PRCP: variants seen among roughly 807,000 people sequenced by gnomAD.
PRCP encodes lysosomal Pro-X carboxypeptidase.
Under a neutral mutation model 54.2 loss-of-function variants are expected in PRCP, and 46 were observed. The observed-to-expected ratio is 0.85, with a 90% CI of 0.67 to 1.09. PRCP has a LOEUF of 1.09. Among genes scored for constraint, PRCP ranks in the 50% least tolerant of loss-of-function variants. The probability of loss-of-function intolerance (pLI) is 0.00; values close to 1 mark genes in which losing one functional copy is unlikely to be tolerated. For synonymous variants in PRCP, 240 were observed against 212.2 expected, an observed-to-expected ratio of 1.13 and a Z score of -1.14; for missense variants, 613 against 596.8, an observed-to-expected ratio of 1.03 and a Z score of -0.28.
In PRCP at chr11:82,828,039, C is replaced by A. The variant is rs12225284; in HGVS notation, c.1275-2917G>T. ...TAAATCAAATTTTTCCCTAGTATAA[C>A]ATATTATGCATAGATTGCATTCGTG... On this transcript the variant is annotated intron_variant, in intron 8 of 8. Coordinates refer to ENST00000313010, the MANE Select transcript of PRCP (RefSeq NM_005040.4). 3.5e-4 allele frequency: 53 copies of A among 152,222 alleles called. No homozygotes were observed. In the East Asian group the frequency reaches 9.1e-3, roughly 26 times the overall value. 9.4% of individuals were successfully genotyped at this position (152,222 alleles called of 1,614,324 possible). A position where few individuals can be genotyped will look rare whatever the true frequency, so the allele number is the denominator to read the frequency against.
At chr11:82,850,599 G>T in intron 3 of PRCP, 94 bp from the exon 4 acceptor site, 2 of 1,024,354 alleles carry the variant, frequency 2.0e-6, no homozygotes, top group Non-Finnish European at 2.6e-6. Context: ...TGTCAGATAA[G>T]CTTTTCTCTA....
At chr11:82,863,815 A>G (rs766603540) in intron 1 of PRCP, among the ~76,000 whole-genome samples, 8 of 152,184 alleles carry the variant, frequency 5.3e-5, no homozygotes, top group Non-Finnish European at 1.0e-4. Flanking sequence ...GCCATGCCCA[A>G]GGTACTCCTG....
chr11:82,897,468 T>C (rs1860144766), intron 1 of PRCP, among the ~76,000 whole-genome samples: 1 of 152,146 alleles, frequency 6.6e-6, no homozygotes, highest in Non-Finnish European at 1.5e-5. Context: ...ACATACAATA[T>C]AGTAAATGTG....
intron 1 of PRCP, chr11:82,884,888 G>A (rs368652767): frequency 7.4e-6 from 12 of 1,613,028 alleles, no homozygotes; most frequent in African/African-American, 6.7e-5. Context: ...GCAAGGGCCT[G>A]CAGGAAGTAA....
intron 6 of PRCP, 102 bp downstream of exon 6, chr11:82,848,947 C>A (rs950264932): frequency 3.4e-6 from 4 of 1,189,764 alleles, no homozygotes; most frequent in Non-Finnish European, 4.7e-6. Context: ...AACTCTGGAG[C>A]CCCTTTGTCA....
chr11:82,836,857 T>C, intron 8 of PRCP: 1 of 385,944 alleles, frequency 2.6e-6, no homozygotes, highest in Non-Finnish European at 5.2e-6. Context: ...CTCCTTGCAT[T>C]TTTGTTGGCT....
chr11:82,899,378 C>T (rs1319523747), intron 1 of PRCP, among the ~76,000 whole-genome samples: 1 of 152,224 alleles, frequency 6.6e-6, no homozygotes, highest in South Asian at 2.1e-4. Flanking sequence ...ACAGAGCTAG[C>T]AGGGTGGAAT....
chr11:82,887,753 T>A (rs1189523054), intron 1 of PRCP, among the ~76,000 whole-genome samples: 1 of 152,172 alleles, frequency 6.6e-6, no homozygotes, highest in East Asian at 1.9e-4. Context: ...CCTTCCTTTC[T>A]GTATAGGAGC....
intron 6 of PRCP, among the ~76,000 whole-genome samples, chr11:82,847,392 A>T (rs1858833005): frequency 6.6e-6 from 1 of 152,166 alleles, no homozygotes; most frequent in African/African-American, 2.4e-5. Flanking sequence ...ACCACCTCTT[A>T]GTTGAGCTTT....
intron 2 of PRCP, among the ~76,000 whole-genome samples, chr11:82,858,043 A>G (rs1230339101): frequency 1.3e-5 from 2 of 152,228 alleles, no homozygotes; most frequent in Non-Finnish European, 2.9e-5. Context: ...ACCTCTGTGC[A>G]GTTGATTTCA....
At chr11:82,881,103 G>A (rs751110870) in intron 1 of PRCP, among the ~76,000 whole-genome samples, 3 of 152,088 alleles carry the variant, frequency 2.0e-5, no homozygotes, top group African/African-American at 4.8e-5. Flanking sequence ...AGGCCTTTGT[G>A]GTCTAGATCA....
chr11:82,856,975 G>A (rs1028701712), intron 2 of PRCP, among the ~76,000 whole-genome samples: 1 of 147,254 alleles, frequency 6.8e-6, no homozygotes, highest in Non-Finnish European at 1.5e-5. Flanking sequence ...GGCGAAGCTT[G>A]CAGTAGCCGA....
intron 3 of PRCP, among the ~76,000 whole-genome samples, chr11:82,850,736 G>C (rs1858936402): frequency 6.6e-6 from 1 of 152,198 alleles, no homozygotes; most frequent in Non-Finnish European, 1.5e-5. Context: ...GTAGATTGTA[G>C]AAACAACAGA....
upstream of PRCP, among the ~76,000 whole-genome samples, chr11:82,901,219 G>A (rs2121300485): frequency 6.6e-6 from 1 of 152,150 alleles, no homozygotes; most frequent in East Asian, 1.9e-4. Flanking sequence ...TACACAGGTC[G>A]CCCCGGGTCC....
chr11:82,882,517 A>T (rs1859772042), intron 1 of PRCP, among the ~76,000 whole-genome samples: 1 of 127,382 alleles, frequency 7.9e-6, no homozygotes, highest in African/African-American at 3.4e-5. Flanking sequence ...TTTTTTTGAG[A>T]CGGAGTCTCG....
intron 1 of PRCP, among the ~76,000 whole-genome samples, chr11:82,898,740 G>T (rs974764112): frequency 1.3e-5 from 2 of 152,204 alleles, no homozygotes; most frequent in Non-Finnish European, 1.5e-5. Flanking sequence ...ATGCCCTAGA[G>T]AATTAATTTA....
chr11:82,835,033 C>T (rs1385701180), intron 8 of PRCP, among the ~76,000 whole-genome samples: 3 of 152,182 alleles, frequency 2.0e-5, no homozygotes, highest in Non-Finnish European at 4.4e-5. Context: ...CATTGCACTT[C>T]AGCCTGGGCG....
At chr11:82,874,192 C>T (rs1413363547) in intron 1 of PRCP, among the ~76,000 whole-genome samples, 2 of 152,138 alleles carry the variant, frequency 1.3e-5, no homozygotes, top group African/African-American at 2.4e-5. Flanking sequence ...TTTGCCACCA[C>T]GACACCAGAT....
At chr11:82,871,646 G>A (rs1362946545) in intron 1 of PRCP, among the ~76,000 whole-genome samples, 1 of 152,154 alleles carries the variant, frequency 6.6e-6, no homozygotes, top group Non-Finnish European at 1.5e-5. Flanking sequence ...ACGAACAGGA[G>A]TTCAGACCTG....
Sources: gnomAD v4.1 joint callset for allele counts (sites outside exome capture counted in the v4.1 genomes callset) on GRCh38, gnomAD v4.1.1 for gene constraint, MANE v1.5 for transcripts, NCBI Gene and HGNC (gene_info 2026-07-23, HGNC 2026-07-21) for gene names.